Variants in SH3GL2 observed in about 807,000 individuals in gnomAD.
The protein encoded by SH3GL2 is SH3 domain containing GRB2 like 2, endophilin A1, also known as endophilin-A1.
SH3GL2 carries 24 observed loss-of-function variants against 46.0 expected under a neutral mutation model. The observed-to-expected ratio is 0.52, with a 90% confidence interval of 0.38 to 0.73. SH3GL2 has a LOEUF of 0.73. Ranked by LOEUF, SH3GL2 falls within the 30% of genes least tolerant of loss-of-function variation. SH3GL2 has a pLI of 0.00. For missense variants in SH3GL2, 413 were observed against 424.2 expected (o/e 0.97, Z 0.23); for synonymous variants, 196 against 147.1 (o/e 1.33, Z -2.40).
At chr9:17,714,730 A>T (rs553223321) in intron 1 of SH3GL2, among the ~76,000 whole-genome samples, 53 of 151,956 alleles carry the variant, frequency 3.5e-4, no homozygotes, top group African/African-American at 1.2e-3. Context: ...CTGAGTACAT[A>T]GTTGTTGTTT....
chr9:17,790,009 T>C (rs914629151), intron 6 of SH3GL2, among the ~76,000 whole-genome samples: 1 of 152,188 alleles, frequency 6.6e-6, no homozygotes, highest in African/African-American at 2.4e-5. Context: ...TCTGAGGATC[T>C]ATGTATAACT....
intron 3 of SH3GL2, among the ~76,000 whole-genome samples, chr9:17,774,599 AT>A (rs1823588182): frequency 6.6e-6 from 1 of 151,680 alleles, no homozygotes. Flanking sequence ...AGATGGACCC[AT>A]TTTTGTATAT....
chr9:17,736,683 A>G (rs1191142919), intron 1 of SH3GL2, among the ~76,000 whole-genome samples: 1 of 152,136 alleles, frequency 6.6e-6, no homozygotes, highest in African/African-American at 2.4e-5. Flanking sequence ...TCTCTCAAAT[A>G]CATTCAGATA....
intron 2 of SH3GL2, among the ~76,000 whole-genome samples, chr9:17,752,070 T>G (rs1319430556): frequency 6.6e-6 from 1 of 152,226 alleles, no homozygotes; most frequent in African/African-American, 2.4e-5. Flanking sequence ...CTAATAACCT[T>G]GTTTATTTTT....
At chr9:17,652,739 A>G (rs533296469) in intron 1 of SH3GL2, among the ~76,000 whole-genome samples, 1 of 152,204 alleles carries the variant, frequency 6.6e-6, no homozygotes. Context: ...CAGATTACAG[A>G]TGCTCAACCT....
chr9:17,704,733 T>G (rs1436802345), intron 1 of SH3GL2, among the ~76,000 whole-genome samples: 1 of 152,076 alleles, frequency 6.6e-6, no homozygotes, highest in East Asian at 1.9e-4. Context: ...CTAGCCAATA[T>G]GCAGAAGATT....
intron 3 of SH3GL2, among the ~76,000 whole-genome samples, chr9:17,771,127 A>G (rs143335740): frequency 3.9e-5 from 6 of 152,268 alleles, no homozygotes; most frequent in South Asian, 2.1e-4. Flanking sequence ...CAAGCATACA[A>G]CTGTCTGCTG....
At chr9:17,628,794 G>T (rs1313067947) in intron 1 of SH3GL2, among the ~76,000 whole-genome samples, 1 of 151,922 alleles carries the variant, frequency 6.6e-6, no homozygotes, top group Non-Finnish European at 1.5e-5. Flanking sequence ...CCCTTTTATA[G>T]ATCTTCAGTG....
rs139376322 is a variant in SH3GL2 at position 17,786,430 on chromosome 9, C to A, written c.237C>A (p.Gly79=). 2 of 1,613,332 alleles carry A rather than the reference C, an allele frequency of 1.2e-6. No homozygotes were observed. Among genetic ancestry groups the A allele is most frequent in the Admixed American group, 3.3e-5 (2 of 59,886 alleles). Residue 79 remains glycine, a synonymous_variant, in exon 4 of 9, where the codon GGC becomes GGA. Transcript: ENST00000380607. ...TCAACACCATGTCAAAAATCCGTGG[C>A]CAGGAGAAGGGGCCAGGCTATCCTC... ...SMINTMSKIR[G]QEKGPGYPQA...
At chr9:17,694,240 G>A (rs1449053208) in intron 1 of SH3GL2, among the ~76,000 whole-genome samples, 1 of 152,010 alleles carries the variant, frequency 6.6e-6, no homozygotes, top group Non-Finnish European at 1.5e-5. Flanking sequence ...TGTCTTGGGG[G>A]GCCTTAGGAA....
intron 1 of SH3GL2, among the ~76,000 whole-genome samples, chr9:17,619,592 C>T (rs1033491579): frequency 6.6e-6 from 1 of 151,906 alleles, no homozygotes. Context: ...GCAGGAGATT[C>T]GTTTGAACCC....
intron 1 of SH3GL2, among the ~76,000 whole-genome samples, chr9:17,588,742 A>G (rs1025361450): frequency 6.6e-6 from 1 of 152,236 alleles, no homozygotes; most frequent in African/African-American, 2.4e-5. Flanking sequence ...AGCTCACTTA[A>G]GCAGGCCCAG....
At chr9:17,719,793 GAA>G (rs59406335) in intron 1 of SH3GL2, among the ~76,000 whole-genome samples, 9 of 123,474 alleles carry the variant, frequency 7.3e-5, no homozygotes, top group Admixed American at 8.2e-5. Context: ...ACCCTGTCTT[GAA>G]AAAAAAAAAA....
In SH3GL2 at chr9:17,793,502, G is replaced by C; in HGVS notation, c.859+5G>C. On this transcript the variant is annotated splice_donor_5th_base_variant and intron_variant, in intron 8 of 8. Coordinates refer to ENST00000380607, the MANE Select transcript of SH3GL2 (RefSeq NM_003026.5). ...CAGGCACTCCCAAACCTTCAGGTAA[G>C]AGCTGAAACTGCAGATCCTATTGCA... is the stretch of plus-strand genomic sequence containing the variant. 1.2e-6 allele frequency: 2 copies of C among 1,612,684 alleles called. No homozygotes were observed. The highest frequency in any genetic ancestry group is 8.5e-7 in the Non-Finnish European group (1 of 1,179,556).
chr9:17,646,801 T>C (rs1286550165), intron 1 of SH3GL2, among the ~76,000 whole-genome samples: 1 of 152,196 alleles, frequency 6.6e-6, no homozygotes, highest in Non-Finnish European at 1.5e-5. Flanking sequence ...CTTTATGAGA[T>C]GTCTGTCGAC....
chr9:17,767,066 T>C (rs1187614822), intron 3 of SH3GL2, among the ~76,000 whole-genome samples: 2 of 152,208 alleles, frequency 1.3e-5, no homozygotes, highest in African/African-American at 2.4e-5. Context: ...CACTGAGAAG[T>C]TACTCTTACC....
intron 1 of SH3GL2, among the ~76,000 whole-genome samples, chr9:17,618,144 C>A (rs1389384544): frequency 6.6e-6 from 1 of 152,094 alleles, no homozygotes; most frequent in Non-Finnish European, 1.5e-5. Flanking sequence ...TGCTTTCCTG[C>A]TAAAGGGGAT....
At chr9:17,600,905 G>T (rs1029700951) in intron 1 of SH3GL2, among the ~76,000 whole-genome samples, 1 of 152,280 alleles carries the variant, frequency 6.6e-6, no homozygotes, top group South Asian at 2.1e-4. Flanking sequence ...TTAGAGTTTA[G>T]AATATGGCAA....
intron 1 of SH3GL2, among the ~76,000 whole-genome samples, chr9:17,637,870 A>G (rs1270139722): frequency 2.0e-5 from 3 of 152,120 alleles, no homozygotes; most frequent in Non-Finnish European, 4.4e-5. Context: ...TAAAACACTG[A>G]TTTCAGCCGG....
Sources: gnomAD v4.1 joint callset for allele counts (sites outside exome capture counted in the v4.1 genomes callset) on GRCh38, gnomAD v4.1.1 for gene constraint, MANE v1.5 for transcripts, NCBI Gene and HGNC (gene_info 2026-07-23, HGNC 2026-07-21) for gene names.